Variants in ACSS2 observed in about 807,000 individuals in gnomAD.
The protein encoded by ACSS2 is acetyl-coenzyme A synthetase, cytoplasmic.
A neutral mutation model predicts 90.6 loss-of-function variants in ACSS2; 58 were observed. The ratio of observed to expected loss-of-function variants is 0.64; its 90% CI spans 0.52 to 0.80. ACSS2 has a LOEUF of 0.80. ACSS2 is among the 30% of genes least tolerant of loss of function. ACSS2 has a pLI of 0.00. For synonymous variants in ACSS2, 300 were observed against 330.9 expected (o/e 0.91, Z 1.01); for missense variants, 759 against 912.0 (o/e 0.83, Z 2.16).
At chr20:34,879,527 A>ACC (rs1555878872) in intron 1 of ACSS2, among the ~76,000 whole-genome samples, 86 of 70,708 alleles carry the variant, frequency 1.2e-3, no homozygotes, top group African/African-American at 9.8e-3. Context: ...ACACACACAC[A>ACC]CCCCTACCCC....
chr20:34,880,638 T>A (rs1568959391), intron 1 of ACSS2, among the ~76,000 whole-genome samples: 1 of 152,184 alleles, frequency 6.6e-6, no homozygotes. Context: ...GCCAATTTCT[T>A]ACAATGCCAT....
chr20:34,876,489 GC>G, upstream of ACSS2: 1 of 602,352 alleles, frequency 1.7e-6, no homozygotes, highest in Non-Finnish European at 2.5e-6. Context: ...ACACGGCCCC[GC>G]CCCCTCTGGC....
intron 2 of ACSS2, among the ~76,000 whole-genome samples, chr20:34,897,036 G>GAAA (rs36102262): frequency 2.0e-5 from 3 of 146,984 alleles, no homozygotes; most frequent in Non-Finnish European, 1.5e-5. Context: ...TCAAAAAAAG[G>GAAA]AAAAAAAAAA....
At chr20:34,898,948 G>A (rs1342132706) in intron 2 of ACSS2, among the ~76,000 whole-genome samples, 2 of 152,228 alleles carry the variant, frequency 1.3e-5, no homozygotes, top group African/African-American at 2.4e-5. Context: ...GCCCTGCCCC[G>A]CGGGAAGGCA....
At chr20:34,916,747 C>T (rs1334192320) in intron 7 of ACSS2, among the ~76,000 whole-genome samples, 10 of 152,016 alleles carry the variant, frequency 6.6e-5, no homozygotes, top group Non-Finnish European at 1.0e-4. Context: ...TGGCAGGGCT[C>T]CAAACCCCTT....
intron 2 of ACSS2, 34 bp from the exon 3 acceptor site, chr20:34,913,062 C>T (rs2080998313): frequency 1.3e-6 from 2 of 1,518,906 alleles, no homozygotes; most frequent in African/African-American, 1.4e-5. Flanking sequence ...AGAAGTTATA[C>T]CCCTAATCAC....
At chr20:34,914,016 C>A in intron 5 of ACSS2, 80 bp from the exon 6 acceptor site, 1 of 1,516,198 alleles carries the variant, frequency 6.6e-7, no homozygotes, top group Non-Finnish European at 9.1e-7. Flanking sequence ...GAGGCCTACT[C>A]AGGAAGGGCC....
At chr20:34,921,896 GGAGA>G (rs1342428627) in intron 13 of ACSS2, 30 bp downstream of exon 13, 1 of 1,594,470 alleles carries the variant, frequency 6.3e-7, no homozygotes, top group African/African-American at 1.4e-5. Context: ...GAGTCTTTAA[GGAGA>G]GAGGGAAAGG....
intron 2 of ACSS2, among the ~76,000 whole-genome samples, chr20:34,891,827 A>G (rs2080343481): frequency 6.6e-6 from 1 of 152,180 alleles, no homozygotes; most frequent in East Asian, 1.9e-4. Context: ...TGAGACAAGT[A>G]GGCTGTACTT....
In ACSS2 at chr20:34,926,863, T is replaced by C; in HGVS notation, c.1904-14T>C. ...AGGGTGCTGAAGAAATGCTTGATGA[T>C]TTGTTGGTTACAGTTAGAGAAAAGA... On this transcript the variant is annotated splice_polypyrimidine_tract_variant and intron_variant, in intron 16 of 17. Coordinates refer to ENST00000360596, the MANE Select transcript of ACSS2 (RefSeq NM_018677.4). The C allele has an allele frequency of 6.2e-7, 1 of 1,613,906 alleles. No individual in the cohort carries two copies. The highest frequency in any genetic ancestry group is 8.5e-7 in the Non-Finnish European group (1 of 1,179,844).
chr20:34,909,083 C>CCGT, intron 2 of ACSS2: 2 of 342,974 alleles, frequency 5.8e-6, no homozygotes, highest in Non-Finnish European at 1.1e-5. Flanking sequence ...CCGTGGCTCA[C>CCGT]ACCTGTAATC....
intron 1 of ACSS2, 133 bp from the exon 2 acceptor site, chr20:34,882,661 A>G: frequency 2.7e-6 from 2 of 741,840 alleles, no homozygotes; most frequent in Non-Finnish European, 4.3e-6. Context: ...TTAGACAGGT[A>G]AAGAAGGGAC....
intron 2 of ACSS2, among the ~76,000 whole-genome samples, chr20:34,906,635 G>A (rs1220644005): frequency 6.6e-6 from 1 of 152,126 alleles, no homozygotes; most frequent in Non-Finnish European, 1.5e-5. Context: ...CACTCTCTAT[G>A]TACTAGGCTG....
chr20:34,883,746 C>G (rs2080124068), intron 2 of ACSS2, among the ~76,000 whole-genome samples: 1 of 152,178 alleles, frequency 6.6e-6, no homozygotes, highest in Admixed American at 6.5e-5. Context: ...CTGCCTGACT[C>G]CTTGCTTGTA....
At chr20:34,876,312 T>A, upstream of ACSS2, 1 of 204,580 alleles carries the variant, frequency 4.9e-6, no homozygotes, top group Non-Finnish European at 9.3e-6. Flanking sequence ...GCCCCGCCCC[T>A]CCCTTGGCAC....
At chr20:34,878,893 TTC>T (rs1336221526) in intron 1 of ACSS2, among the ~76,000 whole-genome samples, 6 of 132,992 alleles carry the variant, frequency 4.5e-5, no homozygotes. Flanking sequence ...AATTCTGCTT[TTC>T]TTTTTTTTTT....
At chr20:34,909,254 A>C (rs568131651) in intron 2 of ACSS2, among the ~76,000 whole-genome samples, 1 of 151,640 alleles carries the variant, frequency 6.6e-6, no homozygotes, top group African/African-American at 2.4e-5. Flanking sequence ...TGTAGTCCCA[A>C]CTGCTCAAGA....
In ACSS2 at chr20:34,898,792, C is replaced by T. The variant is rs1026353976; in HGVS notation, c.375-14304C>T. 2.6e-5 allele frequency among the ~76,000 whole-genome samples: 4 copies of T among 152,236 alleles called. No individual in the cohort carries two copies. In the East Asian group the frequency reaches 7.7e-4, roughly 29 times the overall value. The stretch of plus-strand genomic sequence containing the variant: ...GTGGAGCTGCCTGCCAGTCCTGCGC[C>T]GTGTGCCTGCACTCCTCAGCCCTTG... On this transcript the variant is annotated intron_variant, in intron 2 of 17. Transcript: ENST00000360596.
At chr20:34,925,170 G>C (rs2081289733) in intron 14 of ACSS2, among the ~76,000 whole-genome samples, 1 of 152,174 alleles carries the variant, frequency 6.6e-6, no homozygotes, top group Admixed American at 6.5e-5. Context: ...AGGATCAGGA[G>C]TCTGTGAACA....
Sources: allele counts gnomAD v4.1 joint callset (sites outside exome capture counted in the v4.1 genomes callset), GRCh38; gene constraint gnomAD v4.1.1; transcripts MANE v1.5; gene names NCBI Gene and HGNC (gene_info 2026-07-23, HGNC 2026-07-21).